The following ZNF385D variants were observed in gnomAD, a reference collection of about 807,000 sequenced individuals.
ZNF385D encodes the protein zinc finger protein 659.
ZNF385D carries 15 observed loss-of-function variants against 35.8 expected under a neutral mutation model. The observed-to-expected ratio is 0.42, with a 90% CI of 0.28 to 0.64. The LOEUF is 0.64. Among genes scored for constraint, ZNF385D ranks in the 30% least tolerant of loss-of-function variants. The pLI, the probability that ZNF385D is intolerant of heterozygous loss-of-function variation, is 0.23. For synonymous variants in ZNF385D, 212 were observed against 186.8 expected (o/e 1.13, Z -1.10); for missense variants, 474 against 494.6 (o/e 0.96, Z 0.39).
chr3:22,207,452 T>C lies in ZNF385D; in HGVS notation c.107-38417A>G, dbSNP rs557278737. 8.4e-4 allele frequency among the ~76,000 whole-genome samples: 127 copies of C among 152,020 alleles called. No individual in the cohort carries two copies. The Middle Eastern group carries it at 0.014, about 16-fold the overall frequency. Reference sequence around the variant, plus strand: ...ACAAAAATCAAATCAAAATGGATTATAGACTTAAATCTAAGACCTCAAACC... The same window carrying C: ...ACAAAAATCAAATCAAAATGGATTACAGACTTAAATCTAAGACCTCAAACC... On this transcript the variant is annotated intron_variant, in intron 2 of 5. Transcript: ENST00000494108.
rs934896073 is a variant in ZNF385D, at chr3:22,337,296, T to C, written c.106+35154A>G. The stretch of plus-strand genomic sequence containing the variant: ...TCTGTAATCCCCAGATTTTGAAAGG[T>C]CGAGGTGGGGGCAGCTCACTTGAGG... On this transcript the variant is annotated intron_variant, in intron 2 of 5. Transcript: ENST00000494108. Among the ~76,000 whole-genome samples, 8 of 151,968 alleles carry C rather than the reference T, an allele frequency of 5.3e-5. 1 individual carries two copies.
At chr3:22,016,377 C>G (rs1188498248) in intron 3 of ZNF385D, among the ~76,000 whole-genome samples, 2 of 152,078 alleles carry the variant, frequency 1.3e-5, no homozygotes, top group Admixed American at 6.6e-5. Flanking sequence ...GACCCAGATG[C>G]TATACTTAGC....
intron 2 of ZNF385D, among the ~76,000 whole-genome samples, chr3:22,263,751 A>G (rs1700752801): frequency 6.6e-6 from 1 of 152,016 alleles, no homozygotes; most frequent in African/African-American, 2.4e-5. Flanking sequence ...TTATGCCACA[A>G]GACATTTGGT....
chr3:21,707,138 A>C (rs369751453), intron 1 of ZNF385D, among the ~76,000 whole-genome samples: 108 of 152,286 alleles, frequency 7.1e-4, no homozygotes, highest in African/African-American at 2.4e-3. Flanking sequence ...GAAATGAATC[A>C]CACTGCCAGG....
intron 3 of ZNF385D, among the ~76,000 whole-genome samples, chr3:21,988,709 T>TC (rs1195411549): frequency 6.6e-5 from 10 of 151,876 alleles, no homozygotes; most frequent in South Asian, 4.2e-4. Context: ...AGTTGGAGCT[T>TC]CCTGGCTGCT....
chr3:21,970,035 T>A (rs990411564), intron 3 of ZNF385D, among the ~76,000 whole-genome samples: 1 of 152,090 alleles, frequency 6.6e-6, no homozygotes, highest in Non-Finnish European at 1.5e-5. Context: ...ATAGCTGCGG[T>A]GATGAAAGAT....
At chr3:22,102,700 C>G (rs914130438) in intron 3 of ZNF385D, among the ~76,000 whole-genome samples, 1 of 151,998 alleles carries the variant, frequency 6.6e-6, no homozygotes, top group Non-Finnish European at 1.5e-5. Context: ...TATATTTAAA[C>G]TTAGAAGGGG....
chr3:22,178,394 T>G (rs1191569461), intron 2 of ZNF385D, among the ~76,000 whole-genome samples: 2 of 152,268 alleles, frequency 1.3e-5, no homozygotes, highest in Non-Finnish European at 2.9e-5. Flanking sequence ...TTTTGAGAAG[T>G]GTCTGTGCAT....
chr3:21,609,153 C>A (rs113698964), intron 2 of ZNF385D, among the ~76,000 whole-genome samples: 168 of 152,268 alleles, frequency 1.1e-3, no homozygotes, highest in African/African-American at 3.8e-3. Flanking sequence ...TTCAGAAGAA[C>A]ACGAGAGTAA....
At chr3:21,812,215 G>T (rs556819461) in intron 3 of ZNF385D, among the ~76,000 whole-genome samples, 1 of 152,290 alleles carries the variant, frequency 6.6e-6, no homozygotes, top group African/African-American at 2.4e-5. Context: ...TCCTTTAAAA[G>T]ATACTTAAGG....
intron 3 of ZNF385D, among the ~76,000 whole-genome samples, chr3:22,034,500 G>A (rs950788811): frequency 2.6e-5 from 4 of 151,996 alleles, no homozygotes; most frequent in African/African-American, 9.7e-5. Context: ...TCAAAAAGCA[G>A]AATTTACATG....
At chr3:22,084,058 G>A (rs1354185423) in intron 3 of ZNF385D, among the ~76,000 whole-genome samples, 1 of 152,194 alleles carries the variant, frequency 6.6e-6, no homozygotes, top group Non-Finnish European at 1.5e-5. Context: ...CACCAGGCCT[G>A]TCTTACAAGA....
At chr3:22,212,189 G>A (rs1559455439) in intron 2 of ZNF385D, among the ~76,000 whole-genome samples, 1 of 151,958 alleles carries the variant, frequency 6.6e-6, no homozygotes, top group African/African-American at 2.4e-5. Flanking sequence ...CTGAGGAAGA[G>A]GGAGAAAAGA....
At chr3:21,710,519 G>T (rs1422554868) in intron 1 of ZNF385D, among the ~76,000 whole-genome samples, 1 of 152,054 alleles carries the variant, frequency 6.6e-6, no homozygotes, top group Non-Finnish European at 1.5e-5. Flanking sequence ...ATCATTCGAT[G>T]CCACAATGCA....
chr3:21,772,259 C>G (rs892523243), intron 3 of ZNF385D, among the ~76,000 whole-genome samples: 2 of 151,734 alleles, frequency 1.3e-5, no homozygotes, highest in African/African-American at 4.8e-5. Context: ...AAAATGTTCT[C>G]CAAAAGATAC....
At chr3:21,749,367 GC>G (rs2069945302) in intron 1 of ZNF385D, among the ~76,000 whole-genome samples, 1 of 152,086 alleles carries the variant, frequency 6.6e-6, no homozygotes, top group African/African-American at 2.4e-5. Context: ...ATTCTAATTG[GC>G]CCTACTTCCT....
chr3:22,286,640 T>A (rs919648275), intron 2 of ZNF385D, among the ~76,000 whole-genome samples: 2 of 152,172 alleles, frequency 1.3e-5, no homozygotes, highest in Non-Finnish European at 2.9e-5. Flanking sequence ...ATTACTTTCT[T>A]ATTTGACTCA....
At chr3:21,812,056 T>C (rs138324416) in intron 3 of ZNF385D, among the ~76,000 whole-genome samples, 1 of 152,114 alleles carries the variant, frequency 6.6e-6, no homozygotes, top group Non-Finnish European at 1.5e-5. Context: ...TATCAGTTTA[T>C]AGAAAACACA....
intron 2 of ZNF385D, among the ~76,000 whole-genome samples, chr3:22,202,238 C>A (rs12637982): frequency 6.6e-6 from 1 of 152,030 alleles, no homozygotes; most frequent in Non-Finnish European, 1.5e-5. Flanking sequence ...AAGAACCTAT[C>A]AATAAGCTTT....
Sources: gnomAD v4.1 joint callset for allele counts (sites outside exome capture counted in the v4.1 genomes callset) on GRCh38, gnomAD v4.1.1 for gene constraint, MANE v1.5 for transcripts, NCBI Gene and HGNC (gene_info 2026-07-23, HGNC 2026-07-21) for gene names.